NIBAN2: variants seen among roughly 807,000 people sequenced by gnomAD.
The protein encoded by NIBAN2 is niban apoptosis regulator 2.
NIBAN2 carries 36 observed loss-of-function variants against 81.8 expected under a neutral mutation model. The observed-to-expected ratio is 0.44, with a 90% CI of 0.34 to 0.58. NIBAN2 has a LOEUF of 0.58. Among genes scored for constraint, NIBAN2 ranks in the 20% least tolerant of loss-of-function variants. The pLI is 0.02. For missense variants in NIBAN2, 897 were observed against 1,014.1 expected, an observed-to-expected ratio of 0.88 and a Z score of 1.57; for synonymous variants, 445 against 441.6, an observed-to-expected ratio of 1.01 and a Z score of -0.10.
At chr9:127,546,306 C>T (rs1010086034) in intron 1 of NIBAN2, among the ~76,000 whole-genome samples, 4 of 152,216 alleles carry the variant, frequency 2.6e-5, no homozygotes, top group Non-Finnish European at 5.9e-5. Flanking sequence ...GAGGAGCATC[C>T]CCACGCCTGT....
At chr9:127,528,986 G>A (rs1486929723) in intron 2 of NIBAN2, among the ~76,000 whole-genome samples, 1 of 152,236 alleles carries the variant, frequency 6.6e-6, no homozygotes, top group East Asian at 1.9e-4. Context: ...CACCCAGTCC[G>A]CCCCCAGATC....
At chr9:127,553,040 C>T (rs1432253440) in intron 1 of NIBAN2, among the ~76,000 whole-genome samples, 1 of 152,084 alleles carries the variant, frequency 6.6e-6, no homozygotes, top group Admixed American at 6.5e-5. Flanking sequence ...CCACTACTCA[C>T]TATTAAGGTA....
intron 5 of NIBAN2, among the ~76,000 whole-genome samples, chr9:127,520,161 C>G (rs1368112651): frequency 1.3e-5 from 2 of 152,024 alleles, no homozygotes. Context: ...TCTCCACACC[C>G]CCCAAATTCA....
intron 1 of NIBAN2, among the ~76,000 whole-genome samples, chr9:127,554,542 CT>C: frequency 9.3e-6 from 1 of 108,106 alleles, no homozygotes; most frequent in East Asian, 2.7e-4. Context: ...TTTTCTTTTT[CT>C]TTTTCTTTTT....
chr9:127,546,083 C>T (rs1438359631), intron 1 of NIBAN2, among the ~76,000 whole-genome samples: 9 of 152,230 alleles, frequency 5.9e-5, no homozygotes, highest in African/African-American at 1.9e-4. Context: ...TGCCATCCTG[C>T]GGCCCCCTGG....
intron 1 of NIBAN2, among the ~76,000 whole-genome samples, chr9:127,567,803 T>G (rs77027184): frequency 0.027 from 4,038 of 152,246 alleles, 139 homozygotes; most frequent in African/African-American, 0.078. Context: ...GCAAGCCACA[T>G]GAGTTACTTC....
intron 1 of NIBAN2, among the ~76,000 whole-genome samples, chr9:127,577,367 T>G (rs1838022504): frequency 6.6e-6 from 1 of 151,944 alleles, no homozygotes; most frequent in Non-Finnish European, 1.5e-5. Flanking sequence ...CTGCCTACTT[T>G]AGAGCTGCAA....
Position 127,507,640 on chromosome 9 carries a change from T to G in NIBAN2, c.1655-209A>C, listed in dbSNP as rs1836635679. Reference sequence around the variant, plus strand: ...TGACCACATGTCATCTAATCACTCCTCTGACCCTCCCAGCAAAGCCAAGGA... The same window carrying G: ...TGACCACATGTCATCTAATCACTCCGCTGACCCTCCCAGCAAAGCCAAGGA... On this transcript the variant is annotated intron_variant, in intron 13 of 13. Transcript: ENST00000373312. This position sits in a 1 kb window ranked among gnomAD's most constrained non-coding sequence, Gnocchi z 6.8. 6.6e-6 allele frequency among the ~76,000 whole-genome samples: 1 copy of G among 152,126 alleles called. No homozygotes were observed. Among genetic ancestry groups the G allele is most frequent in the South Asian group, 2.1e-4 (1 of 4,828 alleles).
chr9:127,541,260 CCTTTCTA>C (rs1031903438), intron 1 of NIBAN2, among the ~76,000 whole-genome samples: 4 of 152,222 alleles, frequency 2.6e-5, no homozygotes, highest in Admixed American at 6.5e-5. Flanking sequence ...TCGCTCAGGG[CCTTTCTA>C]CTTTCTACTT....
In NIBAN2 at chr9:127,531,705, G is replaced by A. The variant is rs143275059; in HGVS notation, c.129C>T (p.Ser43=). 1.2e-6 allele frequency: 2 copies of A among 1,614,182 alleles called. No homozygotes were observed. The highest frequency in any genetic ancestry group is 2.2e-5 in the East Asian group (1 of 44,874). Residue 43 remains serine (S), a synonymous_variant, in exon 2 of 14, where the codon AGC becomes AGT. Coordinates refer to ENST00000373312, the MANE Select transcript of NIBAN2 (RefSeq NM_022833.4). ...EDQYGVALFN[S]MRHEIEGTGL... is the part of the protein sequence containing the mutation. ...CCGTGCCCTCAATCTCATGGCGCAT[G>A]CTGTTGAAGAGAGCCACGCCATACT...
Position 127,507,811 on chromosome 9 carries a change from C to T in NIBAN2, c.1654+56G>A, listed in dbSNP as rs1417580257. ...GACCCCCTCAGCTGCCACCACTTCT[C>T]AGCTGCGCCCCCAGCATCCTCCTGG... On this transcript the variant is annotated intron_variant, in intron 13 of 13. Coordinates refer to ENST00000373312, the MANE Select transcript of NIBAN2 (RefSeq NM_022833.4). This position sits in a 1 kb window ranked among gnomAD's most constrained non-coding sequence, Gnocchi z 6.8. The T allele has an allele frequency of 6.6e-7, 1 of 1,520,538 alleles. No individual in the cohort carries two copies. The highest frequency in any genetic ancestry group is 1.4e-5 in the African/African-American group (1 of 73,098). 94.2% of individuals were successfully genotyped at this position (1,520,538 alleles called of 1,614,324 possible).
At chr9:127,556,579 A>C (rs1837674627) in intron 1 of NIBAN2, among the ~76,000 whole-genome samples, 1 of 152,208 alleles carries the variant, frequency 6.6e-6, no homozygotes, top group African/African-American at 2.4e-5. Context: ...TACACACATA[A>C]TTTAATAACC....
chr9:127,507,345 G>A lies in NIBAN2; in HGVS notation c.1741C>T (p.Leu581=). ...CAGTCGATGGGGGCGCCCTCGGCCA[G>A]CAGGTGCAGGTTGGGGTCGCTGTTG... ...MHNSDPNLHL[L]AEGAPIDWGE... Residue 581 remains leucine, a synonymous_variant, in exon 14 of 14, where the codon CTG becomes TTG. Transcript: ENST00000373312. This position sits in a 1 kb window ranked among gnomAD's most constrained non-coding sequence, Gnocchi z 6.8. 2 of 1,547,572 alleles carry A rather than the reference G, an allele frequency of 1.3e-6. No individual in the cohort carries two copies. Among genetic ancestry groups the A allele is most frequent in the South Asian group, 2.4e-5 (2 of 82,090 alleles).
intron 1 of NIBAN2, among the ~76,000 whole-genome samples, chr9:127,553,448 C>T (rs148560644): frequency 2.0e-5 from 3 of 152,364 alleles, no homozygotes; most frequent in African/African-American, 7.2e-5. Context: ...AGGACGGAAA[C>T]TCTTCCTGAG....
At chr9:127,568,692 C>T (rs1265692413) in intron 1 of NIBAN2, 128 bp downstream of exon 1, 10 of 815,940 alleles carry the variant, frequency 1.2e-5, no homozygotes, top group Non-Finnish European at 1.6e-5. Context: ...CGCTCCCTGG[C>T]AGCTCCCACC....
In NIBAN2 at chr9:127,568,974, T is replaced by C; in HGVS notation, c.-100A>G. 1.8e-6 allele frequency: 2 copies of C among 1,103,930 alleles called. No individual in the cohort carries two copies. The highest frequency in any genetic ancestry group is 2.2e-6 in the Non-Finnish European group (2 of 921,432). 68.4% of individuals were successfully genotyped at this position (1,103,930 alleles called of 1,614,324 possible). On this transcript the variant is annotated 5_prime_UTR_variant, in exon 1 of 14. Transcript: ENST00000373312. ...CGCCATGGAGCCCGGCCCGCCCTGCTTCCCCCGCTCCCGCCGCTCCCGCCG... is the reference window on the plus strand; with the variant it reads ...CGCCATGGAGCCCGGCCCGCCCTGCCTCCCCCGCTCCCGCCGCTCCCGCCG...
chr9:127,530,879 A>G (rs1837166136), intron 2 of NIBAN2, among the ~76,000 whole-genome samples: 2 of 152,132 alleles, frequency 1.3e-5, no homozygotes, highest in Non-Finnish European at 2.9e-5. Flanking sequence ...TTACCCACCT[A>G]TTCAGAAGTG....
In NIBAN2 at chr9:127,559,183, G is replaced by C. The variant is rs924266739; in HGVS notation, c.55+9637C>G. ...TTCTTGGCTGGCATGAGTTCCATGA[G>C]ATCAGGGCTCATGTCACTGCTTTGT... On this transcript the variant is annotated intron_variant, in intron 1 of 13. Transcript: ENST00000373312. The surrounding 1 kb of genome is among the most constrained non-coding windows in gnomAD (Gnocchi z 4.0). Among the ~76,000 whole-genome samples, 6 of 152,202 alleles carry C rather than the reference G, an allele frequency of 3.9e-5. No homozygotes were observed. Among genetic ancestry groups the C allele is most frequent in the Non-Finnish European group, 7.3e-5 (5 of 68,030 alleles).
chr9:127,560,451 C>T (rs1837753636), intron 1 of NIBAN2, among the ~76,000 whole-genome samples: 1 of 152,062 alleles, frequency 6.6e-6, no homozygotes, highest in African/African-American at 2.4e-5. Context: ...CTGAAAATGC[C>T]TCCAAGGCCT....
Sources: gnomAD v4.1 joint callset for allele counts (sites outside exome capture counted in the v4.1 genomes callset) on GRCh38, gnomAD v4.1.1 for gene constraint, Gnocchi (gnomAD v3.1) non-coding constraint, MANE v1.5 for transcripts, NCBI Gene and HGNC (gene_info 2026-07-23, HGNC 2026-07-21) for gene names.